Variants in STAC observed in about 807,000 individuals in gnomAD.
STAC encodes SH3 and cysteine rich domain, also known as SH3 and cysteine-rich domain-containing protein.
A neutral mutation model predicts 48.8 loss-of-function variants in STAC; 43 were observed. That is an observed-to-expected ratio of 0.88 (90% CI 0.69 to 1.14). The LOEUF is 1.14. Ranked by LOEUF, STAC falls within the 50% of genes most tolerant of loss-of-function variation. STAC has a pLI of 0.00. For missense variants in STAC, 497 were observed against 504.0 expected, an observed-to-expected ratio of 0.99 and a Z score of 0.13; for synonymous variants, 193 against 179.5, an observed-to-expected ratio of 1.07 and a Z score of -0.60.
In STAC at chr3:36,458,649, G is replaced by A. The variant is rs1350509307; in HGVS notation, c.388+15009G>A. On this transcript the variant is annotated intron_variant, in intron 2 of 10. Transcript: ENST00000273183. Reference sequence around the variant, plus strand: ...CCTAGTTTATCGGTAAAATGAGAGGGTTGGCTAGATCTGGGAGGGCAAACC... The same window carrying A: ...CCTAGTTTATCGGTAAAATGAGAGGATTGGCTAGATCTGGGAGGGCAAACC... Among the ~76,000 whole-genome samples the A allele has an allele frequency of 2.6e-5, 4 of 152,146 alleles. No individual in the cohort carries two copies. The South Asian group carries it at 8.3e-4, about 32-fold the overall frequency.
At chr3:36,493,327 C>A in intron 6 of STAC, 98 bp downstream of exon 6, 2 of 1,127,850 alleles carry the variant, frequency 1.8e-6, no homozygotes, top group Non-Finnish European at 2.6e-6. Flanking sequence ...TCTCTGCTAG[C>A]TCTGGAATTT....
At position 36,546,240 on chromosome 3, in the gene STAC, G is replaced by A. The variant is rs1212347716; in HGVS notation, c.1160G>A (p.Ser387Asn). The A allele has an allele frequency of 6.2e-7, 1 of 1,614,070 alleles. No individual in the cohort carries two copies. Among genetic ancestry groups the A allele is most frequent in the Admixed American group, 1.7e-5 (1 of 60,016 alleles). The change falls in exon 11 of 11, where the codon AGT (serine) becomes AAT (asparagine). Residue 387 changes from serine (S) to asparagine (N), a missense_variant. Coordinates refer to ENST00000273183, the MANE Select transcript of STAC (RefSeq NM_003149.3). ...CAAGATGGTTTTATCAGAGTCCTCAGTGGAAAAAAGAAAGGCCTCATCCCC... is the reference window on the plus strand; with the variant it reads ...CAAGATGGTTTTATCAGAGTCCTCAATGGAAAAAAGAAAGGCCTCATCCCC... Reference protein sequence around the residue: ...EEQDGFIRVLSGKKKGLIPLD... With the variant: ...EEQDGFIRVLNGKKKGLIPLD...
intron 8 of STAC, chr3:36,506,311 A>G (rs1203625053): frequency 6.6e-6 from 1 of 152,356 alleles, no homozygotes; most frequent in East Asian, 1.9e-4. Flanking sequence ...TACCAGTACC[A>G]TGCTGTTTTG....
intron 6 of STAC, among the ~76,000 whole-genome samples, chr3:36,497,435 G>T (rs1698176908): frequency 1.3e-5 from 2 of 152,098 alleles, no homozygotes; most frequent in South Asian, 4.1e-4. Context: ...TCTAGGAATG[G>T]CAATAAAACA....
At chr3:36,380,840 G>T (rs887367084) in intron 1 of STAC, 86 bp downstream of exon 1, 11 of 1,030,046 alleles carry the variant, frequency 1.1e-5, no homozygotes, top group Non-Finnish European at 1.6e-5. Flanking sequence ...TATCTAGCAC[G>T]GGCGTGGGGG....
intron 2 of STAC, among the ~76,000 whole-genome samples, chr3:36,463,803 T>G (rs1423698320): frequency 1.3e-5 from 2 of 151,916 alleles, no homozygotes; most frequent in Admixed American, 1.3e-4. Context: ...CTGAGAATGA[T>G]GGTTTCCAGC....
chr3:36,456,355 A>G (rs990389897), intron 2 of STAC, among the ~76,000 whole-genome samples: 1 of 152,160 alleles, frequency 6.6e-6, no homozygotes, highest in African/African-American at 2.4e-5. Flanking sequence ...GGAGATTTCA[A>G]GGAATTCCTT....
At chr3:36,384,271 C>T (rs1317454912) in intron 1 of STAC, among the ~76,000 whole-genome samples, 1 of 152,084 alleles carries the variant, frequency 6.6e-6, no homozygotes, top group East Asian at 1.9e-4. Flanking sequence ...ACTTATATGA[C>T]ACAAGGTCAC....
chr3:36,461,993 G>T (rs12494487), intron 2 of STAC, among the ~76,000 whole-genome samples: 3 of 151,988 alleles, frequency 2.0e-5, no homozygotes, highest in Non-Finnish European at 4.4e-5. Context: ...CTTCAATGGC[G>T]TGGGGGCGAG....
At chr3:36,442,806 G>T (rs1171806195) in intron 1 of STAC, among the ~76,000 whole-genome samples, 1 of 135,946 alleles carries the variant, frequency 7.4e-6, no homozygotes, top group African/African-American at 2.8e-5. Flanking sequence ...ACACACAGAG[G>T]TTACTTATCC....
At chr3:36,399,654 T>C (rs1699961643) in intron 1 of STAC, among the ~76,000 whole-genome samples, 1 of 152,214 alleles carries the variant, frequency 6.6e-6, no homozygotes, top group South Asian at 2.1e-4. Context: ...CTTAGTGATC[T>C]TGTCCCCTCA....
chr3:36,457,575 T>G (rs1398150390), intron 2 of STAC, among the ~76,000 whole-genome samples: 1 of 152,194 alleles, frequency 6.6e-6, no homozygotes, highest in African/African-American at 2.4e-5. Context: ...TCAATACAAA[T>G]TCTTCAGCCT....
At chr3:36,458,720 T>A (rs138019523) in intron 2 of STAC, among the ~76,000 whole-genome samples, 1 of 152,308 alleles carries the variant, frequency 6.6e-6, no homozygotes, top group East Asian at 1.9e-4. Context: ...AAGAAGCTTC[T>A]AAAGCTGCAC....
At chr3:36,499,540 G>C (rs1698232073) in intron 6 of STAC, among the ~76,000 whole-genome samples, 1 of 151,930 alleles carries the variant, frequency 6.6e-6, no homozygotes, top group African/African-American at 2.4e-5. Flanking sequence ...AGAAAGAAGG[G>C]ATGGAAAGTG....
intron 2 of STAC, among the ~76,000 whole-genome samples, chr3:36,451,654 A>T (rs922095076): frequency 6.6e-6 from 1 of 152,034 alleles, no homozygotes; most frequent in African/African-American, 2.4e-5. Flanking sequence ...CCTATTTATG[A>T]GTTACATGTG....
rs1321617070 is a variant in STAC at position 36,546,971 on chromosome 3, C to CCATCCT, written c.*683_*688dup. On this transcript the variant is annotated 3_prime_UTR_variant, in exon 11 of 11. Transcript: ENST00000273183. ...GACCTGCCTAAAGACTGATGACAGGCCATCCTTCCTGCTGTTCTAGGTACT... is the reference window on the plus strand; with the variant it reads ...GACCTGCCTAAAGACTGATGACAGGCCATCCTCATCCTTCCTGCTGTTCTAGGTACT... 1.3e-5 allele frequency: 2 copies of CCATCCT among 152,408 alleles called. No homozygotes were observed. The highest frequency in any genetic ancestry group is 4.8e-5 in the African/African-American group (2 of 41,442). 9.4% of individuals were successfully genotyped at this position (152,408 alleles called of 1,614,324 possible).
At chr3:36,418,637 T>A (rs1389742275) in intron 1 of STAC, among the ~76,000 whole-genome samples, 1 of 124,014 alleles carries the variant, frequency 8.1e-6, no homozygotes, top group Non-Finnish European at 1.9e-5. Flanking sequence ...ATATTATAAG[T>A]TCAATTGTTC....
In STAC at chr3:36,485,072, T is replaced by G. The variant is rs760025141; in HGVS notation, c.571+14T>G. On this transcript the variant is annotated intron_variant, in intron 4 of 10. Coordinates refer to ENST00000273183, the MANE Select transcript of STAC (RefSeq NM_003149.3). ...TTATGCCCATTGGTGAGTTGGGACA[T>G]TGATGGGTTGAGTTGAGTTTGAAGC... 4 of 1,593,254 alleles carry G rather than the reference T, an allele frequency of 2.5e-6. No homozygotes were observed. Among genetic ancestry groups the G allele is most frequent in the Non-Finnish European group, 3.4e-6 (4 of 1,169,716 alleles).
At chr3:36,460,963 T>C (rs1697000252) in intron 2 of STAC, among the ~76,000 whole-genome samples, 1 of 152,116 alleles carries the variant, frequency 6.6e-6, no homozygotes, top group African/African-American at 2.4e-5. Context: ...TTTCTTAATA[T>C]AAGAAAATAT....
Sources: allele counts gnomAD v4.1 joint callset (sites outside exome capture counted in the v4.1 genomes callset), GRCh38; gene constraint gnomAD v4.1.1; transcripts MANE v1.5; gene names NCBI Gene and HGNC (gene_info 2026-07-23, HGNC 2026-07-21).